IL20RA: variants seen among roughly 807,000 people sequenced by gnomAD.
The protein encoded by IL20RA is interleukin-20 receptor subunit alpha.
A neutral mutation model predicts 36.5 loss-of-function variants in IL20RA; 29 were observed. That is an observed-to-expected ratio of 0.79 (90% CI 0.59 to 1.08). IL20RA has a LOEUF of 1.08. Ranked by LOEUF, IL20RA falls within the 50% of genes least tolerant of loss-of-function variation. The pLI, the probability that IL20RA is intolerant of heterozygous loss-of-function variation, is 0.00. For missense variants in IL20RA, 652 were observed against 668.4 expected (o/e 0.98, Z 0.27); for synonymous variants, 279 against 267.1 (o/e 1.04, Z -0.43).
intron 6 of IL20RA, among the ~76,000 whole-genome samples, chr6:137,004,174 T>TTTTTTTTTTTTG (rs1554211833): frequency 0.019 from 2,335 of 124,302 alleles, 6 homozygotes; most frequent in Non-Finnish European, 0.026. Flanking sequence ...TTTTTTTTTT[T>TTTTTTTTTTTTG]TTTTTTTTTT....
rs186810745 is a variant in IL20RA, at chr6:137,002,376, G to C, written c.865-21C>G. 4.1e-6 allele frequency: 6 copies of C among 1,476,644 alleles called. No individual in the cohort carries two copies. The East Asian group carries it at 1.4e-4, about 33-fold the overall frequency. 91.5% of individuals were successfully genotyped at this position (1,476,644 alleles called of 1,614,324 possible). A position where few individuals can be genotyped will look rare whatever the true frequency, so the allele number is the denominator to read the frequency against. On this transcript the variant is annotated intron_variant, in intron 6 of 6. Transcript: ENST00000316649. ...AAAATCTATAAAGAGAAAAGAGAATGATTTTCACCTTTTCACTTTAGAGAG... is the reference window on the plus strand; with the variant it reads ...AAAATCTATAAAGAGAAAAGAGAATCATTTTCACCTTTTCACTTTAGAGAG...
intron 1 of IL20RA, among the ~76,000 whole-genome samples, chr6:137,032,860 A>G (rs1776347818): frequency 6.6e-6 from 1 of 152,244 alleles, no homozygotes; most frequent in South Asian, 2.1e-4. Flanking sequence ...AACTAAATGC[A>G]GTAAAATGAA....
At chr6:137,016,231 T>G (rs1315014964) in intron 2 of IL20RA, among the ~76,000 whole-genome samples, 1 of 152,234 alleles carries the variant, frequency 6.6e-6, no homozygotes, top group African/African-American at 2.4e-5. Flanking sequence ...CCTCTGATAT[T>G]CTGTGGCACC....
intron 3 of IL20RA, 86 bp from the exon 4 acceptor site, chr6:137,009,578 G>C (rs942377360): frequency 1.4e-6 from 1 of 732,670 alleles, no homozygotes; most frequent in Non-Finnish European, 2.3e-6. Flanking sequence ...CTTGGATCAA[G>C]GCCCTAAAAG....
intron 1 of IL20RA, among the ~76,000 whole-genome samples, chr6:137,029,353 T>C (rs1776195672): frequency 6.6e-6 from 1 of 151,832 alleles, no homozygotes; most frequent in Admixed American, 6.6e-5. Context: ...ATTAATAATA[T>C]GAAATTAGCC....
chr6:137,016,817 T>C (rs1186373723), intron 2 of IL20RA, 151 bp downstream of exon 2: 1 of 744,480 alleles, frequency 1.3e-6, no homozygotes, highest in Non-Finnish European at 2.2e-6. Flanking sequence ...AATTTAATCT[T>C]ACAAAACATC....
At chr6:137,025,864 G>A (rs550311799) in intron 1 of IL20RA, among the ~76,000 whole-genome samples, 1 of 152,314 alleles carries the variant, frequency 6.6e-6, no homozygotes, top group East Asian at 1.9e-4. Flanking sequence ...CTACGCATAC[G>A]TGAGTGCCTG....
At chr6:137,044,431 C>G in intron 1 of IL20RA, 3 of 932,768 alleles carry the variant, frequency 3.2e-6, no homozygotes, top group Non-Finnish European at 4.1e-6. Context: ...TGACCCCGAG[C>G]CAAGGTGCGC....
At chr6:137,013,488 G>A (rs1310194346) in intron 2 of IL20RA, among the ~76,000 whole-genome samples, 2 of 152,138 alleles carry the variant, frequency 1.3e-5, no homozygotes, top group Admixed American at 6.5e-5. Context: ...ACCCTAGGGG[G>A]TAGGTACTCT....
Position 137,016,223 on chromosome 6 carries a change from T to A in IL20RA, c.224+745A>T, listed in dbSNP as rs569273029. 1.5e-3 allele frequency among the ~76,000 whole-genome samples: 225 copies of A among 152,322 alleles called. 2 individuals are homozygous for A. Among genetic ancestry groups the A allele is most frequent in the Non-Finnish European group, 3.4e-4 (23 of 68,030 alleles). ...TGATTTCTATTTCAGTTTCACCACC[T>A]CTGATATTCTGTGGCACCCAGCTGG... On this transcript the variant is annotated intron_variant, in intron 2 of 6. Transcript: ENST00000316649.
At chr6:137,021,513 A>AAAAC (rs1554214066) in intron 1 of IL20RA, among the ~76,000 whole-genome samples, 4 of 54,980 alleles carry the variant, frequency 7.3e-5, no homozygotes, top group Non-Finnish European at 3.1e-4. Flanking sequence ...AAAAAAAAAA[A>AAAAC]AACACAAGAA....
At chr6:137,014,187 T>C (rs546068211) in intron 2 of IL20RA, among the ~76,000 whole-genome samples, 1 of 152,360 alleles carries the variant, frequency 6.6e-6, no homozygotes, top group African/African-American at 2.4e-5. Context: ...TGCTGAAGTC[T>C]TTCACTGGTT....
chr6:137,002,525 C>T (rs1775116860), intron 6 of IL20RA, among the ~76,000 whole-genome samples, 170 bp from the exon 7 acceptor site: 1 of 152,176 alleles, frequency 6.6e-6, no homozygotes, highest in Non-Finnish European at 1.5e-5. Flanking sequence ...CACTGGGAGG[C>T]AAGAGACCCA....
Position 137,028,979 on chromosome 6 carries a change from T to C in IL20RA, c.89-11876A>G, listed in dbSNP as rs577524534. Among the ~76,000 whole-genome samples the C allele has an allele frequency of 3.9e-5, 6 of 152,266 alleles. No homozygotes were observed. In the South Asian group the frequency reaches 1.2e-3, roughly 32 times the overall value. On this transcript the variant is annotated intron_variant, in intron 1 of 6. Transcript: ENST00000316649. Reference sequence around the variant, plus strand: ...GAATGCTTTCAACAATAAAATTCATTCCCCCAAGTTGAAAGTTTGCCACTC... The same window carrying C: ...GAATGCTTTCAACAATAAAATTCATCCCCCCAAGTTGAAAGTTTGCCACTC...
intron 1 of IL20RA, among the ~76,000 whole-genome samples, chr6:137,026,186 C>T (rs1184428536): frequency 6.6e-6 from 1 of 152,220 alleles, no homozygotes; most frequent in African/African-American, 2.4e-5. Flanking sequence ...ATGTCCTACC[C>T]CCTTTAGCCT....
At chr6:137,031,172 C>T (rs967685973) in intron 1 of IL20RA, among the ~76,000 whole-genome samples, 1 of 152,146 alleles carries the variant, frequency 6.6e-6, no homozygotes, top group Non-Finnish European at 1.5e-5. Flanking sequence ...TTAAAACAGC[C>T]CATTTCCTCC....
At chr6:137,002,782 G>A (rs2115360340) in intron 6 of IL20RA, among the ~76,000 whole-genome samples, 1 of 152,288 alleles carries the variant, frequency 6.6e-6, no homozygotes, top group South Asian at 2.1e-4. Flanking sequence ...AATAAGCTGT[G>A]GTTACCTGGG....
rs528037372 is a variant in IL20RA, at chr6:137,027,925, G to C, written c.89-10822C>G. On this transcript the variant is annotated intron_variant, in intron 1 of 6. Coordinates refer to ENST00000316649, the MANE Select transcript of IL20RA (RefSeq NM_014432.4). ...TGGGAAGAAAAGATTATATGACCAA[G>C]ATCAATTTTGCATATTAAAGATTGT... 9.8e-5 allele frequency among the ~76,000 whole-genome samples: 15 copies of C among 152,300 alleles called. No homozygotes were observed. The South Asian group carries it at 2.9e-3, about 29-fold the overall frequency.
At chr6:137,015,622 G>C (rs1374027707) in intron 2 of IL20RA, among the ~76,000 whole-genome samples, 1 of 152,178 alleles carries the variant, frequency 6.6e-6, no homozygotes, top group African/African-American at 2.4e-5. Context: ...ATAGGGCTCA[G>C]ATAATGAGCT....
Sources: allele counts gnomAD v4.1 joint callset (sites outside exome capture counted in the v4.1 genomes callset), GRCh38; gene constraint gnomAD v4.1.1; transcripts MANE v1.5; gene names NCBI Gene and HGNC (gene_info 2026-07-23, HGNC 2026-07-21).